The following HTR4 variants were observed in gnomAD, a reference collection of about 807,000 sequenced individuals.
HTR4 encodes the protein 5-hydroxytryptamine receptor 4.
Under a neutral mutation model 36.8 loss-of-function variants are expected in HTR4, and 16 were observed. The ratio of observed to expected loss-of-function variants is 0.43; its 90% CI spans 0.29 to 0.66. HTR4 has a LOEUF of 0.66. HTR4 is among the 30% of genes least tolerant of loss of function. The pLI is 0.13. For synonymous variants in HTR4, 189 were observed against 185.1 expected (o/e 1.02, Z -0.17); for missense variants, 438 against 490.9 (o/e 0.89, Z 1.02).
intron 5 of HTR4, among the ~76,000 whole-genome samples, chr5:148,458,920 A>G (rs1445801633): frequency 6.6e-6 from 1 of 152,204 alleles, no homozygotes; most frequent in African/African-American, 2.4e-5. Flanking sequence ...GTGAAAACCC[A>G]GGGGTAAATT....
At chr5:148,627,782 T>C (rs553591805) in intron 2 of HTR4, among the ~76,000 whole-genome samples, 5 of 152,286 alleles carry the variant, frequency 3.3e-5, no homozygotes, top group Admixed American at 3.3e-4. Flanking sequence ...ATTGAAAAAA[T>C]GTCTGAAATT....
chr5:148,462,261 T>G (rs1246585031), intron 5 of HTR4, among the ~76,000 whole-genome samples: 2 of 151,766 alleles, frequency 1.3e-5, no homozygotes, highest in East Asian at 3.9e-4. Context: ...TTGATACATC[T>G]CTAGCCAGTC....
At chr5:148,586,042 A>G (rs1375070355) in intron 2 of HTR4, among the ~76,000 whole-genome samples, 1 of 152,150 alleles carries the variant, frequency 6.6e-6, no homozygotes, top group Non-Finnish European at 1.5e-5. Context: ...TATCATTATC[A>G]TTCTCTACCT....
chr5:148,555,620 G>A (rs190343855), intron 2 of HTR4, among the ~76,000 whole-genome samples: 85 of 152,278 alleles, frequency 5.6e-4, no homozygotes, highest in African/African-American at 1.9e-3. Flanking sequence ...ACCACAACTG[G>A]ACAGCTTTCA....
At chr5:148,573,343 A>T (rs1354425475) in intron 2 of HTR4, among the ~76,000 whole-genome samples, 8 of 152,030 alleles carry the variant, frequency 5.3e-5, no homozygotes, top group Non-Finnish European at 8.8e-5. Flanking sequence ...AGTAATGTAA[A>T]ACAGCAAAGG....
Position 148,627,255 on chromosome 5 carries a change from C to T in HTR4, c.26+9734G>A, listed in dbSNP as rs374014050. Among the ~76,000 whole-genome samples, 116 of 152,262 alleles carry T rather than the reference C, an allele frequency of 7.6e-4. 1 individual carries two copies. Among genetic ancestry groups the T allele is most frequent in the African/African-American group, 2.4e-3 (99 of 41,538 alleles). ...CTGTCTTCCGTGCAGACTGATAGAT[C>T]GTATTTCTGAACTTCCATATTTAGT... On this transcript the variant is annotated intron_variant, in intron 2 of 6. Transcript: ENST00000377888.
chr5:148,624,037 A>T (rs896932470), intron 2 of HTR4, among the ~76,000 whole-genome samples: 2 of 152,152 alleles, frequency 1.3e-5, no homozygotes, highest in Admixed American at 6.5e-5. Flanking sequence ...TGACTCAGTG[A>T]CCTAAGGTAC....
At chr5:148,642,788 T>C (rs1319621185) in intron 1 of HTR4, among the ~76,000 whole-genome samples, 1 of 152,200 alleles carries the variant, frequency 6.6e-6, no homozygotes, top group Non-Finnish European at 1.5e-5. Context: ...TTTTGTTTTC[T>C]GGGAAACATT....
intron 2 of HTR4, among the ~76,000 whole-genome samples, chr5:148,560,256 C>T (rs998977404): frequency 6.7e-6 from 1 of 149,610 alleles, no homozygotes; most frequent in Non-Finnish European, 1.5e-5. Flanking sequence ...GTTTGCATAG[C>T]CTTATTCCAT....
chr5:148,536,134 C>G (rs550724599), intron 4 of HTR4, among the ~76,000 whole-genome samples: 1 of 152,072 alleles, frequency 6.6e-6, no homozygotes, highest in African/African-American at 2.4e-5. Context: ...TCCAGCCAAA[C>G]TAAGCTTCCT....
chr5:148,632,551 T>A (rs781361968), intron 2 of HTR4, among the ~76,000 whole-genome samples: 1 of 152,080 alleles, frequency 6.6e-6, no homozygotes, highest in Non-Finnish European at 1.5e-5. Context: ...AACCAAGACA[T>A]AAAATAAACT....
chr5:148,475,419 TA>T (rs892378378), downstream of HTR4, among the ~76,000 whole-genome samples: 79 of 152,302 alleles, frequency 5.2e-4, no homozygotes, highest in African/African-American at 1.7e-3. Context: ...TTTACTGTCT[TA>T]GAAGGTGAAG....
chr5:148,490,520 C>T (rs966481799), intron 6 of HTR4: 2 of 1,084,034 alleles, frequency 1.8e-6, no homozygotes, highest in Non-Finnish European at 2.3e-6. Flanking sequence ...CTTAACTGCA[C>T]TGTGGGACGA....
At chr5:148,495,545 C>T (rs551202103) in intron 6 of HTR4, among the ~76,000 whole-genome samples, 39 of 152,302 alleles carry the variant, frequency 2.6e-4, no homozygotes, top group African/African-American at 9.4e-4. Context: ...GAGGATACAA[C>T]AGGCTGCAAG....
intron 6 of HTR4, among the ~76,000 whole-genome samples, chr5:148,503,409 G>T (rs1476362384): frequency 1.3e-5 from 2 of 152,116 alleles, no homozygotes; most frequent in African/African-American, 4.8e-5. Flanking sequence ...ATAAGTGAAG[G>T]AGAAATAAAA....
intron 5 of HTR4, among the ~76,000 whole-genome samples, chr5:148,519,175 G>A (rs796853300): frequency 4.0e-4 from 61 of 152,238 alleles, no homozygotes; most frequent in African/African-American, 1.4e-3. Flanking sequence ...TATTGTGTTG[G>A]TTAGATGATA....
chr5:148,524,040 C>A (rs932306967), intron 4 of HTR4, among the ~76,000 whole-genome samples: 2 of 152,016 alleles, frequency 1.3e-5, no homozygotes, highest in Non-Finnish European at 2.9e-5. Context: ...TCCATCCCCC[C>A]ATCCCTGCCA....
intron 2 of HTR4, among the ~76,000 whole-genome samples, chr5:148,610,443 C>T (rs1385110476): frequency 6.6e-6 from 1 of 152,160 alleles, no homozygotes; most frequent in Non-Finnish European, 1.5e-5. Flanking sequence ...GCAGGGTACT[C>T]CAACAGACCT....
intron 6 of HTR4, among the ~76,000 whole-genome samples, chr5:148,504,411 T>C (rs1757086482): frequency 6.6e-6 from 1 of 152,080 alleles, no homozygotes; most frequent in African/African-American, 2.4e-5. Flanking sequence ...CATAACGAAA[T>C]GAAGGCAGAA....
Sources: gnomAD v4.1 joint callset for allele counts (sites outside exome capture counted in the v4.1 genomes callset) on GRCh38, gnomAD v4.1.1 for gene constraint, MANE v1.5 for transcripts, NCBI Gene and HGNC (gene_info 2026-07-23, HGNC 2026-07-21) for gene names.